TENM1: variants seen among roughly 807,000 people sequenced by gnomAD.
TENM1 encodes the protein teneurin transmembrane protein 1.
A neutral mutation model predicts 174.8 loss-of-function variants in TENM1; 35 were observed. The observed-to-expected ratio is 0.20, with a 90% CI of 0.15 to 0.27. The LOEUF is 0.27. Ranked by LOEUF, TENM1 falls within the 10% of genes least tolerant of loss-of-function variation. The probability of loss-of-function intolerance (pLI) is 1.00; values close to 1 mark genes in which losing one functional copy is unlikely to be tolerated. For missense variants in TENM1, 1,633 were observed against 2,130.1 expected, an observed-to-expected ratio of 0.77 and a Z score of 4.59; for synonymous variants, 781 against 798.7, an observed-to-expected ratio of 0.98 and a Z score of 0.37.
chrX:124,525,889 G>C (rs1488523766), intron 16 of TENM1, among the ~76,000 whole-genome samples: 1 of 112,106 alleles, frequency 8.9e-6, no homozygotes, highest in Admixed American at 9.5e-5. Context: ...CTCAACAACT[G>C]TTACATTTCT....
At chrX:124,757,917 G>T (rs896755919) in intron 3 of TENM1, among the ~76,000 whole-genome samples, 1 of 111,976 alleles carries the variant, frequency 8.9e-6, no homozygotes, top group Non-Finnish European at 1.9e-5. Context: ...AAAAGCATTC[G>T]AATTCCCTAA....
At chrX:124,773,063 T>C (rs2054695867) in intron 3 of TENM1, among the ~76,000 whole-genome samples, 1 of 111,948 alleles carries the variant, frequency 8.9e-6, no homozygotes, top group Non-Finnish European at 1.9e-5. Context: ...AATCAAACGA[T>C]GTCCTACACT....
the TENM1 span, among the ~76,000 whole-genome samples, chrX:125,034,509 C>G: frequency 0.016 from 1,822 of 111,169 alleles, 49 homozygotes; most frequent in African/African-American, 0.056. Context: ...AACAACAGTC[C>G]AACAGGGATG....
intron 14 of TENM1, among the ~76,000 whole-genome samples, chrX:124,560,652 C>A (rs1338016447): frequency 1.8e-5 from 2 of 111,500 alleles, no homozygotes; most frequent in African/African-American, 6.5e-5. Context: ...GGAAGAAACT[C>A]TTATAATGCA....
At chrX:124,389,354 C>G (rs991264410) in intron 28 of TENM1, among the ~76,000 whole-genome samples, 2 of 111,725 alleles carry the variant, frequency 1.8e-5, no homozygotes, top group Admixed American at 9.5e-5. Context: ...AAGAGAAATC[C>G]ATTTTAAAGT....
chrX:124,898,285 T>C (rs2057597776), intron 1 of TENM1, among the ~76,000 whole-genome samples: 1 of 111,383 alleles, frequency 9.0e-6, no homozygotes, highest in Admixed American at 9.6e-5. Flanking sequence ...GATCATACTT[T>C]GAAATCGACT....
At chrX:124,671,925 G>C (rs191653972) in intron 5 of TENM1, 90 bp from the exon 9 acceptor site, 1 of 1,012,341 alleles carries the variant, frequency 9.9e-7, no homozygotes, top group Admixed American at 2.6e-5. Flanking sequence ...AAAATGTTAC[G>C]AACAGTTTTC....
chrX:124,981,634 G>A, the TENM1 span, among the ~76,000 whole-genome samples: 4 of 111,179 alleles, frequency 3.6e-5, no homozygotes, highest in East Asian at 2.9e-4. Context: ...CCATGGGAGC[G>A]TGGACTTGGC....
chrX:124,788,310 G>A (rs1484269994), intron 3 of TENM1, among the ~76,000 whole-genome samples: 1 of 111,106 alleles, frequency 9.0e-6, no homozygotes. Flanking sequence ...TACAATATGA[G>A]ATTTGGGTGG....
intron 3 of TENM1, among the ~76,000 whole-genome samples, chrX:124,827,952 A>T (rs1207469261): frequency 9.0e-6 from 1 of 111,717 alleles, no homozygotes. Flanking sequence ...TCAATCCTTT[A>T]TATGTATATA....
At chrX:124,840,065 C>T (rs2056467297) in intron 3 of TENM1, among the ~76,000 whole-genome samples, 1 of 111,681 alleles carries the variant, frequency 9.0e-6, no homozygotes, top group South Asian at 3.8e-4. Context: ...TAATATTGAC[C>T]ACCAAATATT....
At chrX:125,041,083 C>G in the TENM1 span, among the ~76,000 whole-genome samples, 1 of 111,622 alleles carries the variant, frequency 9.0e-6, no homozygotes, top group Non-Finnish European at 1.9e-5. Context: ...TTCAAAGGTT[C>G]TCTTAGAAAT....
chrX:124,934,856 A>G (rs1002591304), intron 1 of TENM1, among the ~76,000 whole-genome samples: 30 of 111,595 alleles, frequency 2.7e-4, no homozygotes, highest in African/African-American at 9.4e-4. Context: ...CTTTTGAAAG[A>G]TTATATTTTA....
intron 11 of TENM1, among the ~76,000 whole-genome samples, chrX:124,636,294 G>A (rs369521635): frequency 8.9e-6 from 1 of 111,957 alleles, no homozygotes; most frequent in South Asian, 3.7e-4. Context: ...AACCTTTATG[G>A]AGCTTAAAAA....
chrX:124,721,277 A>G (rs1324795127), intron 4 of TENM1, among the ~76,000 whole-genome samples: 1 of 111,647 alleles, frequency 9.0e-6, no homozygotes, highest in African/African-American at 3.3e-5. Flanking sequence ...ACTCTACAAC[A>G]TCCCTTTATA....
chrX:124,625,568 C>T (rs758074561), intron 11 of TENM1, among the ~76,000 whole-genome samples: 1 of 111,290 alleles, frequency 9.0e-6, no homozygotes, highest in South Asian at 3.8e-4. Context: ...AATTCATAAA[C>T]AAAAGAGGTT....
In TENM1 at chrX:124,441,747, G is replaced by C. The variant is rs755524221; in HGVS notation, c.4104+11590C>G. On this transcript the variant is annotated intron_variant, in intron 23 of 31. Transcript: ENST00000422452. ...GGCATGAGAACGGTGAAAGAAAATG[G>C]GAAAATACACTGGAGGTTTGGTTGG... Among the ~76,000 whole-genome samples, 10 of 112,240 alleles carry C rather than the reference G, an allele frequency of 8.9e-5. No homozygotes were observed. The South Asian group carries it at 3.8e-3, about 42-fold the overall frequency.
At chrX:124,418,483 C>G (rs755426330) in intron 25 of TENM1, among the ~76,000 whole-genome samples, 1 of 111,274 alleles carries the variant, frequency 9.0e-6, no homozygotes, top group South Asian at 3.9e-4. Context: ...TTCTGCTCCA[C>G]CCACTTGATC....
the TENM1 span, among the ~76,000 whole-genome samples, chrX:125,048,575 G>T: frequency 9.0e-6 from 1 of 111,535 alleles, no homozygotes; most frequent in Non-Finnish European, 1.9e-5. Flanking sequence ...ATTGATGGTT[G>T]CATAGTACTG....
Sources: gnomAD v4.1 joint callset for allele counts (sites outside exome capture counted in the v4.1 genomes callset) on GRCh38, gnomAD v4.1.1 for gene constraint, MANE v1.5 for transcripts, NCBI Gene and HGNC (gene_info 2026-07-23, HGNC 2026-07-21) for gene names.